MDM2: variants seen among roughly 807,000 people sequenced by gnomAD.
MDM2 encodes MDM2 proto-oncogene.
Under a neutral mutation model 64.3 loss-of-function variants are expected in MDM2, and 11 were observed. The observed-to-expected ratio is 0.17, with a 90% confidence interval of 0.11 to 0.28. The LOEUF is 0.28. Among genes scored for constraint, MDM2 ranks in the 10% least tolerant of loss-of-function variants. The pLI, the probability that MDM2 is intolerant of heterozygous loss-of-function variation, is 1.00. For synonymous variants in MDM2, 194 were observed against 192.9 expected (o/e 1.01, Z -0.05); for missense variants, 388 against 577.1 (o/e 0.67, Z 3.36).
rs748820965 is a variant in MDM2, at chr12:68,843,839, G to A, written c.*3990G>A. ...GAATCTCTTTTTTTTGGAGGTCCTC[G>A]AAGCATTATTTGGAGTTGATAATAC... On this transcript the variant is annotated 3_prime_UTR_variant, in exon 11 of 11. Transcript: ENST00000258149. The A allele has an allele frequency of 1.8e-5, 4 of 217,382 alleles. No individual in the cohort carries two copies. The highest frequency in any genetic ancestry group is 2.8e-5 in the Non-Finnish European group (3 of 108,330). 13.5% of individuals were successfully genotyped at this position (217,382 alleles called of 1,614,324 possible).
chr12:68,833,149 A>AAAATATATATATATATAT (rs1555187768), intron 8 of MDM2, among the ~76,000 whole-genome samples: 3 of 65,960 alleles, frequency 4.5e-5, no homozygotes, highest in African/African-American at 1.8e-4. Flanking sequence ...AAAAAAAAAA[A>AAAATATATATATATATAT]ATATATATAT....
rs1035006332 is a variant in MDM2 at position 68,808,219 on chromosome 12, G to T, written c.-259G>T. The T allele has an allele frequency of 3.7e-5, 20 of 545,426 alleles. No individual in the cohort carries two copies. Among genetic ancestry groups the T allele is most frequent in the African/African-American group, 2.0e-5 (1 of 49,994 alleles). 33.8% of individuals were successfully genotyped at this position (545,426 alleles called of 1,614,324 possible). On this transcript the variant is annotated 5_prime_UTR_variant, in exon 1 of 11. Coordinates refer to ENST00000258149, the MANE Select transcript of MDM2 (RefSeq NM_002392.6). The stretch of plus-strand genomic sequence containing the variant: ...CCGCGGCGAGCTTGGCTGCTTCTGG[G>T]GCCTGTGTGGCCCTGTGTGTCGGAA...
intron 8 of MDM2, among the ~76,000 whole-genome samples, chr12:68,833,230 T>A: frequency 8.4e-6 from 1 of 119,116 alleles, no homozygotes; most frequent in Non-Finnish European, 1.8e-5. Flanking sequence ...TATTAATGTA[T>A]ATTATATATT....
rs1883729110 is a variant in MDM2 at position 68,841,034 on chromosome 12, CAG to C, written c.*1186_*1187del. 1 of 176,588 alleles carries C rather than the reference CAG, an allele frequency of 5.7e-6. No individual in the cohort carries two copies. The highest frequency in any genetic ancestry group is 2.4e-5 in the African/African-American group (1 of 41,412). The allele number at this position is 176,588 out of a possible 1,614,324, so 10.9% of individuals were successfully genotyped here. A position where few individuals can be genotyped will look rare whatever the true frequency, so the allele number is the denominator to read the frequency against. Reference sequence around the variant, plus strand: ...GATTTTTTTGTATTTTTAGTAAAGACAGGGTTTCACCATGTTAGCCAGGCTGA... The same window carrying C: ...GATTTTTTTGTATTTTTAGTAAAGACGGTTTCACCATGTTAGCCAGGCTGA... On this transcript the variant is annotated 3_prime_UTR_variant, in exon 11 of 11. Transcript: ENST00000258149.
In MDM2 at chr12:68,836,787, C is replaced by G. The variant is rs776351918; in HGVS notation, c.918+38C>G. 5.1e-5 allele frequency: 68 copies of G among 1,336,566 alleles called. 1 individual carries two copies. In the Middle Eastern group the frequency reaches 1.6e-3, roughly 31 times the overall value. The allele number at this position is 1,336,566 out of a possible 1,614,324, so 82.8% of individuals were successfully genotyped here. ...CTACTTTTTTAAGAAATAAAAATTT[C>G]ATTAAGGTCAAGATTAGGAGACTAT... On this transcript the variant is annotated intron_variant, in intron 10 of 10. Transcript: ENST00000258149.
Position 68,840,588 on chromosome 12 carries a change from C to A in MDM2, c.*739C>A. The stretch of plus-strand genomic sequence containing the variant: ...GAGTGCAGTGTCATGATCTAGCAGT[C>A]TCCGCTTCCCGGGTTCAAGCCATTC... On this transcript the variant is annotated 3_prime_UTR_variant, in exon 11 of 11. Coordinates refer to ENST00000258149, the MANE Select transcript of MDM2 (RefSeq NM_002392.6). The A allele has an allele frequency of 5.3e-6, 1 of 187,792 alleles. No homozygotes were observed. Among genetic ancestry groups the A allele is most frequent in the East Asian group, 8.5e-5 (1 of 11,774 alleles). The allele number at this position is 187,792 out of a possible 1,614,324, so 11.6% of individuals were successfully genotyped here.
chr12:68,818,400 A>G (rs1267645758), intron 4 of MDM2, among the ~76,000 whole-genome samples: 1 of 151,322 alleles, frequency 6.6e-6, no homozygotes, highest in Non-Finnish European at 1.5e-5. Flanking sequence ...AAAGTAAAGG[A>G]AAAAAAAGGA....
Position 68,823,130 on chromosome 12 carries a change from A to C in MDM2, c.359-1233A>C, listed in dbSNP as rs565746946. Among the ~76,000 whole-genome samples, 11 of 152,344 alleles carry C rather than the reference A, an allele frequency of 7.2e-5. No homozygotes were observed. The South Asian group carries it at 1.9e-3, about 26-fold the overall frequency. On this transcript the variant is annotated intron_variant, in intron 5 of 10. Transcript: ENST00000258149. ...TGGACAATATAACCTATTATGTACA[A>C]CTTAAGAAAATTAGTGTAATGCCTT... is the stretch of plus-strand genomic sequence containing the variant.
chr12:68,844,335 C>T lies in MDM2; in HGVS notation c.*4486C>T, dbSNP rs1884077458. ...CTGCCCACTTTAGAAATACAAATAT[C>T]ACTGGGCAGCTTGAAGCAGTTGGGA... On this transcript the variant is annotated 3_prime_UTR_variant, in exon 11 of 11. Transcript: ENST00000258149. 1 of 223,552 alleles carries T rather than the reference C, an allele frequency of 4.5e-6. No homozygotes were observed. The highest frequency in any genetic ancestry group is 8.9e-6 in the Non-Finnish European group (1 of 112,070). The allele number at this position is 223,552 out of a possible 1,614,324, so 13.8% of individuals were successfully genotyped here. A position where few individuals can be genotyped will look rare whatever the true frequency, so the allele number is the denominator to read the frequency against.
rs142216873 is a variant in MDM2 at position 68,840,827 on chromosome 12, T to A, written c.*978T>A. 1,152 of 163,032 alleles carry A rather than the reference T, an allele frequency of 7.1e-3. 24 individuals carry two copies. Among genetic ancestry groups the A allele is most frequent in the African/African-American group, 0.027 (1,103 of 40,366 alleles). 10.1% of individuals were successfully genotyped at this position (163,032 alleles called of 1,614,324 possible). On this transcript the variant is annotated 3_prime_UTR_variant, in exon 11 of 11. Transcript: ENST00000258149. ...CAGCCAAGAATTAGTATTTAAATTT[T>A]AGATACTCTTTTTTTTTTTTTTTTT...
At chr12:68,831,125 G>A (rs1882757506) in intron 8 of MDM2, among the ~76,000 whole-genome samples, 1 of 152,152 alleles carries the variant, frequency 6.6e-6, no homozygotes, top group African/African-American at 2.4e-5. Flanking sequence ...GAGGAGTAGA[G>A]GAACACCAGG....
At chr12:68,814,904 A>G (rs1343628229) in intron 3 of MDM2, among the ~76,000 whole-genome samples, 1 of 152,146 alleles carries the variant, frequency 6.6e-6, no homozygotes, top group South Asian at 2.1e-4. Context: ...CTTTCTTACA[A>G]CGGTATAGTG....
chr12:68,817,788 A>G (rs1881510116), intron 4 of MDM2, among the ~76,000 whole-genome samples: 1 of 151,786 alleles, frequency 6.6e-6, no homozygotes, highest in Non-Finnish European at 1.5e-5. Flanking sequence ...TTTTTCTAAA[A>G]TTATTCTTTT....
In MDM2 at chr12:68,808,214, T is replaced by G. The variant is rs1004189364; in HGVS notation, c.-264T>G. 2 of 537,136 alleles carry G rather than the reference T, an allele frequency of 3.7e-6. No homozygotes were observed. The highest frequency in any genetic ancestry group is 6.9e-5 in the East Asian group (2 of 29,188). The allele number at this position is 537,136 out of a possible 1,614,324, so 33.3% of individuals were successfully genotyped here. ...AGGCACCGCGGCGAGCTTGGCTGCT[T>G]CTGGGGCCTGTGTGGCCCTGTGTGT... On this transcript the variant is annotated 5_prime_UTR_variant, in exon 1 of 11. Coordinates refer to ENST00000258149, the MANE Select transcript of MDM2 (RefSeq NM_002392.6).
chr12:68,836,589 T>C (rs1035146442), intron 9 of MDM2, 83 bp from the exon 10 acceptor site: 1 of 919,940 alleles, frequency 1.1e-6, no homozygotes, highest in South Asian at 1.3e-5. Flanking sequence ...GTACATGATA[T>C]TTGTTTAGGA....
At position 68,835,990 on chromosome 12, in the gene MDM2, A is replaced by AT. The variant is rs533467429; in HGVS notation, c.840+14dup. On this transcript the variant is annotated splice_region_variant and intron_variant, in intron 9 of 10. Coordinates refer to ENST00000258149, the MANE Select transcript of MDM2 (RefSeq NM_002392.6). Reference sequence around the variant, plus strand: ...TCTCAGATGAAGATGATGAGGTAGTATTTTTTTTCCCCTCTAATTATATTG... The same window carrying AT: ...TCTCAGATGAAGATGATGAGGTAGTATTTTTTTTTCCCCTCTAATTATATTG... 1.9e-5 allele frequency: 30 copies of AT among 1,586,876 alleles called. No homozygotes were observed. The highest frequency in any genetic ancestry group is 9.4e-5 in the South Asian group (8 of 85,518).
chr12:68,846,996 T>C (rs1565756514), downstream of MDM2: 1 of 151,292 alleles, frequency 6.6e-6, no homozygotes, highest in Non-Finnish European at 1.5e-5. Context: ...TTTTATTTGT[T>C]TTTTGCTGAG....
At chr12:68,849,334 C>T (rs1252816366), downstream of MDM2, 1 of 151,650 alleles carries the variant, frequency 6.6e-6, no homozygotes, top group Non-Finnish European at 1.5e-5. Context: ...AGGTGACCCA[C>T]CTGCTTTGGC....
rs181687466 is a variant in MDM2, at chr12:68,842,414, A to G, written c.*2565A>G. The G allele has an allele frequency of 4.6e-5, 22 of 473,922 alleles. No homozygotes were observed. Among genetic ancestry groups the G allele is most frequent in the Non-Finnish European group, 9.2e-5 (22 of 239,066 alleles). 29.4% of individuals were successfully genotyped at this position (473,922 alleles called of 1,614,324 possible). ...AATCTCATTATCTATAACCATTTCT[A>G]TATTTACATTTGAAAATCTCCTTTG... On this transcript the variant is annotated 3_prime_UTR_variant, in exon 11 of 11. Coordinates refer to ENST00000258149, the MANE Select transcript of MDM2 (RefSeq NM_002392.6).
Sources: allele counts gnomAD v4.1 joint callset (sites outside exome capture counted in the v4.1 genomes callset), GRCh38; gene constraint gnomAD v4.1.1; transcripts MANE v1.5; gene names NCBI Gene and HGNC (gene_info 2026-07-23, HGNC 2026-07-21).